Variants in RNF216 observed in about 807,000 individuals in gnomAD.
RNF216 encodes the protein E3 ubiquitin-protein ligase RNF216.
RNF216 carries 72 observed loss-of-function variants against 110.8 expected under a neutral mutation model. The observed-to-expected ratio is 0.65, with a 90% CI of 0.54 to 0.79. The LOEUF (loss-of-function observed/expected upper bound fraction) is 0.79. RNF216 is among the 30% of genes least tolerant of loss of function. RNF216 has a pLI of 0.00. For missense variants in RNF216, 1,342 were observed against 1,141.2 expected (o/e 1.18, Z -2.54); for synonymous variants, 495 against 407.5 (o/e 1.21, Z -2.59).
chr7:5,756,378 G>A (rs1428825426), intron 2 of RNF216, among the ~76,000 whole-genome samples: 2 of 152,164 alleles, frequency 1.3e-5, no homozygotes, highest in Non-Finnish European at 2.9e-5. Context: ...TGGTATAGCT[G>A]AATAGTTGCA....
chr7:5,693,452 G>T (rs542468791), intron 13 of RNF216, among the ~76,000 whole-genome samples: 2 of 152,288 alleles, frequency 1.3e-5, no homozygotes, highest in Admixed American at 1.3e-4. Flanking sequence ...CCCTGCTGAT[G>T]GGTATTGCAT....
intron 6 of RNF216, among the ~76,000 whole-genome samples, chr7:5,730,499 A>C (rs1387063971): frequency 1.3e-5 from 2 of 152,252 alleles, no homozygotes; most frequent in Admixed American, 6.5e-5. Flanking sequence ...AATTACAAGG[A>C]AAGATAGAAG....
intron 13 of RNF216, among the ~76,000 whole-genome samples, chr7:5,689,770 G>A (rs928528902): frequency 2.0e-5 from 3 of 152,058 alleles, no homozygotes; most frequent in East Asian, 3.9e-4. Flanking sequence ...CCTGGCCTGC[G>A]TGGCAAAATT....
intron 13 of RNF216, among the ~76,000 whole-genome samples, chr7:5,693,233 C>T (rs1791438987): frequency 6.6e-6 from 1 of 152,226 alleles, no homozygotes; most frequent in African/African-American, 2.4e-5. Context: ...TGGTTACTTT[C>T]ACGCTATAAA....
chr7:5,640,950 A>G (rs983811619), intron 15 of RNF216, among the ~76,000 whole-genome samples: 3 of 152,218 alleles, frequency 2.0e-5, no homozygotes, highest in African/African-American at 7.2e-5. Flanking sequence ...TTTGCCTATA[A>G]AACTGTTAGG....
intron 2 of RNF216, among the ~76,000 whole-genome samples, chr7:5,760,181 C>A (rs1011961705): frequency 6.6e-6 from 1 of 152,156 alleles, no homozygotes; most frequent in African/African-American, 2.4e-5. Context: ...AATGCAAGCA[C>A]TATTCCCTTT....
chr7:5,623,130 C>T lies in RNF216; in HGVS notation c.2502G>A (p.Lys834=), dbSNP rs757404849. 2 of 1,596,632 alleles carry T rather than the reference C, an allele frequency of 1.3e-6. No homozygotes were observed. Among genetic ancestry groups the T allele is most frequent in the Non-Finnish European group, 1.7e-6 (2 of 1,167,082 alleles). Residue 834 remains lysine (K), a synonymous_variant, in exon 17 of 17, where the codon AAG becomes AAA. Transcript: ENST00000389902. Reference sequence around the variant, plus strand: ...TCGGGAGGGCCTCCACCCTCTGCACCTTCTCCACAGGCTTCTCCAGCGGGG... The same window carrying T: ...TCGGGAGGGCCTCCACCCTCTGCACTTTCTCCACAGGCTTCTCCAGCGGGG... ...IGPPLEKPVE[K]VQRVEALPRP... is the part of the protein sequence containing the mutation.
chr7:5,662,868 G>C (rs1375026747), intron 13 of RNF216, among the ~76,000 whole-genome samples: 1 of 151,604 alleles, frequency 6.6e-6, no homozygotes, highest in Non-Finnish European at 1.5e-5. Context: ...TTCTGCTTGA[G>C]CCTGAAGGCT....
intron 2 of RNF216, among the ~76,000 whole-genome samples, chr7:5,753,950 G>GC (rs1290655883): frequency 2.0e-5 from 3 of 152,154 alleles, no homozygotes; most frequent in African/African-American, 7.2e-5. Context: ...AGCTGAGATC[G>GC]CAACACTGCA....
At chr7:5,666,962 A>G (rs1471719655) in intron 13 of RNF216, among the ~76,000 whole-genome samples, 1 of 152,102 alleles carries the variant, frequency 6.6e-6, no homozygotes, top group East Asian at 1.9e-4. Context: ...CCACAGGCAC[A>G]TGCCACCATA....
intron 2 of RNF216, among the ~76,000 whole-genome samples, chr7:5,760,183 A>G (rs1381484507): frequency 6.6e-6 from 1 of 152,206 alleles, no homozygotes; most frequent in Non-Finnish European, 1.5e-5. Flanking sequence ...TGCAAGCACT[A>G]TTCCCTTTAC....
chr7:5,689,948 G>A (rs1480640204), intron 13 of RNF216, among the ~76,000 whole-genome samples: 136 of 144,646 alleles, frequency 9.4e-4, no homozygotes, highest in South Asian at 3.9e-3. Context: ...AAAAAAAAAA[G>A]AACAGAAAAG....
intron 3 of RNF216, among the ~76,000 whole-genome samples, chr7:5,742,515 T>C (rs1794813431): frequency 6.8e-6 from 1 of 147,400 alleles, no homozygotes; most frequent in Admixed American, 6.6e-5. Flanking sequence ...CAAGACAGTA[T>C]TTTTTTCCCT....
In RNF216 at chr7:5,765,550, AG is replaced by A. The variant is rs964046654; in HGVS notation, c.-69-4413del. On this transcript the variant is annotated intron_variant, in intron 1 of 16. Coordinates refer to ENST00000389902, the MANE Select transcript of RNF216 (RefSeq NM_207111.4). ...GAAGCTGAAGCAGGAGGACTGCTTG[AG>A]CCCAGGAGTTCGACACTGCAGTGTG... Among the ~76,000 whole-genome samples, 61 of 151,996 alleles carry A rather than the reference AG, an allele frequency of 4.0e-4. 1 individual carries two copies. The highest frequency in any genetic ancestry group is 3.4e-3 in the Middle Eastern group (1 of 294).
At position 5,622,301 on chromosome 7, in the gene RNF216, G is replaced by C. The variant is rs938129977; in HGVS notation, c.*559C>G. 6.5e-6 allele frequency: 1 copy of C among 153,188 alleles called. No individual in the cohort carries two copies. The highest frequency in any genetic ancestry group is 2.4e-5 in the African/African-American group (1 of 41,500). The allele number at this position is 153,188 out of a possible 1,614,324, so 9.5% of individuals were successfully genotyped here. A position where few individuals can be genotyped will look rare whatever the true frequency, so the allele number is the denominator to read the frequency against. On this transcript the variant is annotated 3_prime_UTR_variant, in exon 17 of 17. Transcript: ENST00000389902. ...TCTGAGTAGGTGTAAGAGGGGAGGA[G>C]AGGTGCCCTCAACACTCACTGCAGT... is the stretch of plus-strand genomic sequence containing the variant.
chr7:5,630,318 C>G (rs552593621), intron 15 of RNF216, among the ~76,000 whole-genome samples: 4 of 152,162 alleles, frequency 2.6e-5, no homozygotes, highest in Admixed American at 2.6e-4. Context: ...GCTCTACCCC[C>G]ACTACCTAAC....
chr7:5,668,243 G>A (rs1006169974), intron 13 of RNF216, among the ~76,000 whole-genome samples: 1 of 136,236 alleles, frequency 7.3e-6, no homozygotes, highest in African/African-American at 3.0e-5. Context: ...TTTTTTTTGA[G>A]ATGGAGTCTC....
chr7:5,653,442 C>CA lies in RNF216; in HGVS notation c.2062-933dup, dbSNP rs1022161183. 1.1e-4 allele frequency among the ~76,000 whole-genome samples: 16 copies of CA among 149,242 alleles called. No individual in the cohort carries two copies. In the East Asian group the frequency reaches 1.2e-3, roughly 11 times the overall value. On this transcript the variant is annotated intron_variant, in intron 13 of 16. Transcript: ENST00000389902. ...TGAAACCCTGTCTCTACTAAAAATA[C>CA]AAAAAAAAATTAGCTGGGCGTGGTG...
At chr7:5,727,030 C>A (rs1793798936) in intron 7 of RNF216, among the ~76,000 whole-genome samples, 1 of 152,100 alleles carries the variant, frequency 6.6e-6, no homozygotes, top group Non-Finnish European at 1.5e-5. Flanking sequence ...CTGACTGTGG[C>A]AGGGGATAGG....
Sources: allele counts gnomAD v4.1 joint callset (sites outside exome capture counted in the v4.1 genomes callset), GRCh38; gene constraint gnomAD v4.1.1; transcripts MANE v1.5; gene names NCBI Gene and HGNC (gene_info 2026-07-23, HGNC 2026-07-21).